The following ST8SIA5 variants were observed in gnomAD, a reference collection of about 807,000 sequenced individuals.
The protein encoded by ST8SIA5 is alpha-2,8-sialyltransferase 8E.
A neutral mutation model predicts 40.2 loss-of-function variants in ST8SIA5; 24 were observed. That is an observed-to-expected ratio of 0.60 (90% CI 0.43 to 0.84). The LOEUF (loss-of-function observed/expected upper bound fraction) is 0.84. ST8SIA5 is among the 40% of genes least tolerant of loss of function. The pLI, the probability that ST8SIA5 is intolerant of heterozygous loss-of-function variation, is 0.00. For missense variants in ST8SIA5, 465 were observed against 498.5 expected, an observed-to-expected ratio of 0.93 and a Z score of 0.64; for synonymous variants, 198 against 201.8, an observed-to-expected ratio of 0.98 and a Z score of 0.16.
intron 2 of ST8SIA5, among the ~76,000 whole-genome samples, chr18:46,700,715 G>C (rs182765461): frequency 1.3e-5 from 2 of 152,330 alleles, no homozygotes; most frequent in Non-Finnish European, 2.9e-5. Flanking sequence ...CAGCTAGGAT[G>C]GCTGCTCACC....
chr18:46,747,981 A>G (rs2040157081), intron 1 of ST8SIA5, among the ~76,000 whole-genome samples: 1 of 152,158 alleles, frequency 6.6e-6, no homozygotes, highest in Non-Finnish European at 1.5e-5. Flanking sequence ...ACAGAAAACC[A>G]AACACTGCAT....
intron 1 of ST8SIA5, among the ~76,000 whole-genome samples, chr18:46,755,487 T>TCCTAGAGCAAGAACCTCC (rs2040234022): frequency 6.6e-6 from 1 of 152,022 alleles, no homozygotes; most frequent in Non-Finnish European, 1.5e-5. Flanking sequence ...TATGGGTGTA[T>TCCTAGAGCAAGAACCTCC]CCTAGAGCAA....
intron 1 of ST8SIA5, 130 bp from the exon 2 acceptor site, chr18:46,704,794 G>A: frequency 1.3e-6 from 1 of 762,034 alleles, no homozygotes; most frequent in Non-Finnish European, 2.2e-6. Flanking sequence ...CATCCCAGCA[G>A]ATGTCCCATT....
rs1568271253 is a variant in ST8SIA5, at chr18:46,725,975, ATATAT to A, written c.132-21316_132-21312del. On this transcript the variant is annotated intron_variant, in intron 1 of 6. Transcript: ENST00000315087. ...ATCTCTACTTAAAAAAAAAAAAAAT[ATATAT>A]ATATATATATATATATATATATATA... is the stretch of plus-strand genomic sequence containing the variant. 7.0e-4 allele frequency among the ~76,000 whole-genome samples: 19 copies of A among 27,128 alleles called. 1 individual carries two copies. The highest frequency in any genetic ancestry group is 0.01 in the East Asian group (2 of 198). 17.8% of individuals were successfully genotyped at this position (27,128 alleles called of 152,430 possible).
chr18:46,680,090 G>A lies in ST8SIA5; in HGVS notation c.1083C>T (p.His361=). Residue 361 remains histidine (H), a synonymous_variant, in exon 7 of 7, where the codon CAC becomes CAT. Coordinates refer to ENST00000315087, the MANE Select transcript of ST8SIA5 (RefSeq NM_013305.6). ...TGTGCACGCGGAGGATGCCTCGGCT[G>A]TGCAAGTGCAGGAAGTTGAAGATCT... ...PSEIFNFLHL[H]SRGILRVHTG... is the part of the protein sequence containing the mutation. The A allele has an allele frequency of 6.2e-7, 1 of 1,614,102 alleles. No individual in the cohort carries two copies. Among genetic ancestry groups the A allele is most frequent in the Non-Finnish European group, 8.5e-7 (1 of 1,180,032 alleles).
In ST8SIA5 at chr18:46,710,610, G is replaced by A. The variant is rs529076677; in HGVS notation, c.132-5946C>T. Among the ~76,000 whole-genome samples the A allele has an allele frequency of 9.8e-5, 14 of 142,270 alleles. No homozygotes were observed. The East Asian group carries it at 1.2e-3, about 12-fold the overall frequency. 93.3% of individuals were successfully genotyped at this position (142,270 alleles called of 152,430 possible). The stretch of plus-strand genomic sequence containing the variant: ...AGCTGGAGTGCAGTGGCATGATCTC[G>A]GCTCACTGCAAACTCCCCCTCCCGG... On this transcript the variant is annotated intron_variant, in intron 1 of 6. Transcript: ENST00000315087.
In ST8SIA5 at chr18:46,744,765, C is replaced by A. The variant is rs147947235; in HGVS notation, c.131+11613G>T. 2.3e-4 allele frequency among the ~76,000 whole-genome samples: 35 copies of A among 152,306 alleles called. No individual in the cohort carries two copies. The East Asian group carries it at 3.9e-3, about 17-fold the overall frequency. On this transcript the variant is annotated intron_variant, in intron 1 of 6. Coordinates refer to ENST00000315087, the MANE Select transcript of ST8SIA5 (RefSeq NM_013305.6). ...ACCCTAAATCAACAGAATATACATT[C>A]TTCTCAGCACCACATCGCACTTATT...
intron 1 of ST8SIA5, among the ~76,000 whole-genome samples, chr18:46,724,861 C>G (rs1218020598): frequency 2.6e-5 from 4 of 152,010 alleles, no homozygotes; most frequent in Non-Finnish European, 5.9e-5. Context: ...GTAATCACAG[C>G]TACTCTGGGA....
At chr18:46,685,295 G>C (rs930059523) in intron 5 of ST8SIA5, among the ~76,000 whole-genome samples, 5 of 152,160 alleles carry the variant, frequency 3.3e-5, no homozygotes, top group African/African-American at 1.2e-4. Flanking sequence ...GCTGGGCTAA[G>C]GAGTCAGTGA....
chr18:46,694,836 TAA>T (rs33979044), intron 2 of ST8SIA5, among the ~76,000 whole-genome samples: 1 of 146,870 alleles, frequency 6.8e-6, no homozygotes. Flanking sequence ...GTCCATTATT[TAA>T]AAAAAAAAAG....
At chr18:46,698,690 A>G (rs1004236233) in intron 2 of ST8SIA5, among the ~76,000 whole-genome samples, 3 of 152,258 alleles carry the variant, frequency 2.0e-5, no homozygotes, top group African/African-American at 7.2e-5. Flanking sequence ...AAAAGGAAGA[A>G]GTAAACACAA....
At chr18:46,704,544 T>G in intron 2 of ST8SIA5, 28 bp downstream of exon 2, 9 of 1,216,270 alleles carry the variant, frequency 7.4e-6, no homozygotes, top group Non-Finnish European at 9.4e-6. Flanking sequence ...ACATGCTCCC[T>G]GCACCCACCA....
rs1429449870 is a variant in ST8SIA5 at position 46,730,241 on chromosome 18, A to AG, written c.132-25578dup. The AG allele has an allele frequency of 1.8e-5, 18 of 985,128 alleles. 2 individuals carry two copies. In the South Asian group the frequency reaches 8.0e-4, roughly 44 times the overall value. The allele number at this position is 985,128 out of a possible 1,614,324, so 61.0% of individuals were successfully genotyped here. On this transcript the variant is annotated intron_variant, in intron 1 of 6. Coordinates refer to ENST00000315087, the MANE Select transcript of ST8SIA5 (RefSeq NM_013305.6). ...TGCTTGCCTCTAGAGATTCTTGGATAGGGGGGCTCGCATTCCACCATTCAC... is the reference window on the plus strand; with the variant it reads ...TGCTTGCCTCTAGAGATTCTTGGATAGGGGGGGCTCGCATTCCACCATTCAC...
chr18:46,753,261 AGT>A (rs2040211336), intron 1 of ST8SIA5, among the ~76,000 whole-genome samples: 2 of 152,326 alleles, frequency 1.3e-5, no homozygotes, highest in African/African-American at 4.8e-5. Context: ...TGGTGTTCAC[AGT>A]GCAGCTGGGA....
intron 1 of ST8SIA5, among the ~76,000 whole-genome samples, chr18:46,741,703 A>C (rs2040087783): frequency 6.6e-6 from 1 of 152,244 alleles, no homozygotes; most frequent in South Asian, 2.1e-4. Context: ...CTAAAATTAT[A>C]AGTTGAACAT....
chr18:46,703,637 C>T (rs1236075200), intron 2 of ST8SIA5, among the ~76,000 whole-genome samples: 2 of 152,086 alleles, frequency 1.3e-5, no homozygotes, highest in Admixed American at 6.5e-5. Flanking sequence ...AACAACGGTC[C>T]CTGCCTGAGG....
chr18:46,717,057 T>TG (rs2039799398), intron 1 of ST8SIA5, among the ~76,000 whole-genome samples: 1 of 152,190 alleles, frequency 6.6e-6, no homozygotes, highest in Admixed American at 6.5e-5. Context: ...GTGACTGAAG[T>TG]GGGGGATGTT....
chr18:46,726,562 T>C (rs1163447010), intron 1 of ST8SIA5, among the ~76,000 whole-genome samples: 1 of 146,368 alleles, frequency 6.8e-6, no homozygotes, highest in African/African-American at 2.5e-5. Flanking sequence ...TGCATGAATG[T>C]TTGTTATATT....
intron 1 of ST8SIA5, among the ~76,000 whole-genome samples, chr18:46,743,565 T>A (rs185830929): frequency 1.2e-4 from 18 of 152,172 alleles, no homozygotes; most frequent in African/African-American, 3.1e-4. Flanking sequence ...TGGGACTATG[T>A]GAAAAGACCA....
Sources: gnomAD v4.1 joint callset for allele counts (sites outside exome capture counted in the v4.1 genomes callset) on GRCh38, gnomAD v4.1.1 for gene constraint, MANE v1.5 for transcripts, NCBI Gene and HGNC (gene_info 2026-07-23, HGNC 2026-07-21) for gene names.